EPS8: variants seen among roughly 807,000 people sequenced by gnomAD.
EPS8 encodes EGFR pathway substrate 8, signaling adaptor.
EPS8 carries 42 observed loss-of-function variants against 103.8 expected under a neutral mutation model. That is an observed-to-expected ratio of 0.40 (90% CI 0.32 to 0.52). The LOEUF is 0.52. Among genes scored for constraint, EPS8 ranks in the 20% least tolerant of loss-of-function variants. EPS8 has a pLI of 0.40. For synonymous variants in EPS8, 344 were observed against 344.6 expected, an observed-to-expected ratio of 1.00 and a Z score of 0.02; for missense variants, 969 against 1,005.1, an observed-to-expected ratio of 0.96 and a Z score of 0.49.
rs1947136201 is a variant in EPS8, at chr12:15,769,968, G to A, written c.-22+19193C>T. ...TTTTTTTTTTCTTTTTTGAGACTAG[G>A]GTCTCGCTCTTTCACCCATGCTGCA... On this transcript the variant is annotated intron_variant, in intron 1 of 20. Coordinates refer to ENST00000281172, the MANE Select transcript of EPS8 (RefSeq NM_004447.6). This position sits in a 1 kb window ranked among gnomAD's most constrained non-coding sequence, Gnocchi z 4.6. 6.7e-6 allele frequency among the ~76,000 whole-genome samples: 1 copy of A among 150,100 alleles called. No homozygotes were observed. The highest frequency in any genetic ancestry group is 1.5e-5 in the Non-Finnish European group (1 of 67,638).
intron 13 of EPS8, among the ~76,000 whole-genome samples, 192 bp from the exon 14 acceptor site, chr12:15,651,198 C>A (rs981109407): frequency 6.6e-6 from 1 of 152,206 alleles, no homozygotes; most frequent in Non-Finnish European, 1.5e-5. Context: ...CAGTATTTCA[C>A]ACCTTAATAA....
intron 17 of EPS8, among the ~76,000 whole-genome samples, chr12:15,639,332 T>C (rs186805621): frequency 3.2e-4 from 48 of 152,088 alleles, no homozygotes; most frequent in African/African-American, 1.1e-3. Context: ...TAAACAGATA[T>C]TAAACTCAGA....
intron 6 of EPS8, among the ~76,000 whole-genome samples, chr12:15,667,065 A>C (rs1945726131): frequency 6.6e-6 from 1 of 152,194 alleles, no homozygotes; most frequent in African/African-American, 2.4e-5. Flanking sequence ...CTTTTCCACT[A>C]CTTTTCCAGA....
At chr12:15,715,445 T>C (rs1437102113) in intron 1 of EPS8, among the ~76,000 whole-genome samples, 1 of 136,918 alleles carries the variant, frequency 7.3e-6, no homozygotes, top group African/African-American at 2.7e-5. Flanking sequence ...CAGGCTGGAG[T>C]GTGCAGTGGC....
chr12:15,650,765 A>T, intron 14 of EPS8, 58 bp downstream of exon 14: 1 of 1,370,252 alleles, frequency 7.3e-7, no homozygotes, highest in Non-Finnish European at 1.0e-6. Context: ...TCAGAATTAC[A>T]AGAGAATACA....
intron 16 of EPS8, 55 bp downstream of exon 16, chr12:15,641,667 A>G: frequency 1.3e-6 from 1 of 795,074 alleles, no homozygotes; most frequent in Admixed American, 2.5e-5. Context: ...ATACCAAAAG[A>G]GTAATACAAT....
At chr12:15,681,848 C>T (rs944545173) in intron 2 of EPS8, among the ~76,000 whole-genome samples, 3 of 151,100 alleles carry the variant, frequency 2.0e-5, no homozygotes, top group African/African-American at 7.3e-5. Flanking sequence ...ATAAATAGTG[C>T]TTTATTTGAA....
intron 18 of EPS8, among the ~76,000 whole-genome samples, chr12:15,627,419 T>G (rs1944968476): frequency 6.6e-6 from 1 of 152,184 alleles, no homozygotes; most frequent in South Asian, 2.1e-4. Flanking sequence ...GTGCTTTAAT[T>G]CAATAAATAC....
intron 3 of EPS8, among the ~76,000 whole-genome samples, chr12:15,679,755 A>T (rs963720043): frequency 2.0e-5 from 3 of 152,238 alleles, no homozygotes; most frequent in Non-Finnish European, 4.4e-5. Context: ...AAAATGGCAC[A>T]TAGGCAACAG....
In EPS8 at chr12:15,663,976, T is replaced by TATATATAC. The variant is rs35142421; in HGVS notation, c.736+1779_736+1780insGTATATAT. Reference sequence around the variant, plus strand: ...ATATATATATATATATATATATATATACACACACACATATATATATGGTTC... The same window carrying TATATATAC: ...ATATATATATATATATATATATATATATATATACACACACACACATATATATATGGTTC... On this transcript the variant is annotated intron_variant, in intron 8 of 20. Coordinates refer to ENST00000281172, the MANE Select transcript of EPS8 (RefSeq NM_004447.6). Among the ~76,000 whole-genome samples, 50 of 104,446 alleles carry TATATATAC rather than the reference T, an allele frequency of 4.8e-4. No homozygotes were observed. The East Asian group carries it at 0.013, about 28-fold the overall frequency. The allele number at this position is 104,446 out of a possible 152,430, so 68.5% of individuals were successfully genotyped here. A position where few individuals can be genotyped will look rare whatever the true frequency, so the allele number is the denominator to read the frequency against.
chr12:15,652,097 A>G (rs1344840412), intron 13 of EPS8, among the ~76,000 whole-genome samples: 1 of 152,200 alleles, frequency 6.6e-6, no homozygotes, highest in Non-Finnish European at 1.5e-5. Flanking sequence ...TATAAATCTA[A>G]TAGATTTAAG....
rs559649257 is a variant in EPS8, at chr12:15,746,764, T to C, written c.-22+42397A>G. Among the ~76,000 whole-genome samples the C allele has an allele frequency of 1.4e-3, 208 of 152,200 alleles. 2 individuals carry two copies. In the Middle Eastern group the frequency reaches 0.017, roughly 12 times the overall value. On this transcript the variant is annotated intron_variant, in intron 1 of 20. Transcript: ENST00000281172. Reference sequence around the variant, plus strand: ...AGAAGAGCTCTGGAATCCCTTCTATTGAAAAACAACAAATCTCTTATCCTG... The same window carrying C: ...AGAAGAGCTCTGGAATCCCTTCTATCGAAAAACAACAAATCTCTTATCCTG...
chr12:15,726,202 C>CT (rs1025134348), intron 1 of EPS8, among the ~76,000 whole-genome samples: 10 of 151,538 alleles, frequency 6.6e-5, no homozygotes, highest in South Asian at 2.1e-4. Flanking sequence ...GATTGGGTGC[C>CT]TTTTTTTTCA....
Position 15,650,885 on chromosome 12 carries a change from C to T in EPS8, c.1372G>A (p.Glu458Lys), listed in dbSNP as rs1306647757. The change falls in exon 14 of 21, where the codon GAA becomes AAA. Residue 458 changes from glutamate to lysine, a missense_variant. Glu to Lys is a moderately conservative substitution (Grantham distance 56). Transcript: ENST00000281172. ...TGTTCTGCTACATTTGCCACAGATT[C>T]TGCCAGTTGATAAAGATCTTGTTCC... is the stretch of plus-strand genomic sequence containing the variant. ...TMEQDLYQLA[E>K]SVANVAEHQR... is the part of the protein sequence containing the mutation. The T allele has an allele frequency of 3.1e-6, 5 of 1,614,068 alleles. No individual in the cohort carries two copies. Among genetic ancestry groups the T allele is most frequent in the Non-Finnish European group, 3.4e-6 (4 of 1,179,970 alleles).
rs114416715 is a variant in EPS8 at position 15,646,869 on chromosome 12, C to A, written c.1568+258G>T. ...GACAATTCTTTCTTCTTAATGTACA[C>A]ATTTTGTCCGAAGTATCTTTTAAAA... is the stretch of plus-strand genomic sequence containing the variant. On this transcript the variant is annotated intron_variant, in intron 15 of 20. Coordinates refer to ENST00000281172, the MANE Select transcript of EPS8 (RefSeq NM_004447.6). 2.0e-5 allele frequency among the ~76,000 whole-genome samples: 3 copies of A among 152,204 alleles called. No homozygotes were observed. In the East Asian group the frequency reaches 5.8e-4, roughly 29 times the overall value.
Position 15,785,198 on chromosome 12 carries a change from G to A in EPS8, c.-22+3963C>T, listed in dbSNP as rs150216496. Among the ~76,000 whole-genome samples, 7 of 152,218 alleles carry A rather than the reference G, an allele frequency of 4.6e-5. No homozygotes were observed. Among genetic ancestry groups the A allele is most frequent in the African/African-American group, 1.4e-4 (6 of 41,574 alleles). On this transcript the variant is annotated intron_variant, in intron 1 of 20. Transcript: ENST00000281172. This position sits in a 1 kb window ranked among gnomAD's most constrained non-coding sequence, Gnocchi z 4.9. ...AAATCTAACTGTATTATAAATGTGT[G>A]CTACAATCTCACTGAAAAGGATAGG...
rs930439917 is a variant in EPS8, at chr12:15,697,732, C to T, written c.-21-14760G>A. On this transcript the variant is annotated intron_variant, in intron 1 of 20. Transcript: ENST00000281172. The surrounding 1 kb of genome is among the most constrained non-coding windows in gnomAD (Gnocchi z 5.6). ...CCAAAAATTACAGATGATAGTCCTA[C>T]ATCTGTATAAAAAAGAACTGATAAT... Among the ~76,000 whole-genome samples, 3 of 152,010 alleles carry T rather than the reference C, an allele frequency of 2.0e-5. No homozygotes were observed. The highest frequency in any genetic ancestry group is 7.3e-5 in the African/African-American group (3 of 41,374).
In EPS8 at chr12:15,666,442, C is replaced by G. The variant is rs991794569; in HGVS notation, c.597G>C (p.Leu199=). ...TTGATTTCTTTCAATGCTTTTACCT[C>G]AGGGCGTCGGGCCGCCTCTTCTGTT... ...GGKQKRRPDA[L]RMISNADPSI... Residue 199 remains leucine (L), a splice_region_variant and synonymous_variant, in exon 7 of 21, where the codon CTG becomes CTC. Transcript: ENST00000281172. The G allele has an allele frequency of 9.9e-6, 16 of 1,611,656 alleles. No individual in the cohort carries two copies. The highest frequency in any genetic ancestry group is 1.4e-5 in the Non-Finnish European group (16 of 1,178,010).
In EPS8 at chr12:15,778,142, A is replaced by G. The variant is rs1947225640; in HGVS notation, c.-22+11019T>C. ...TTTCTTACATATTATTGTTCAGGCT[A>G]GGCCACCATGGATTATTCATTTTAA... is the stretch of plus-strand genomic sequence containing the variant. On this transcript the variant is annotated intron_variant, in intron 1 of 20. Coordinates refer to ENST00000281172, the MANE Select transcript of EPS8 (RefSeq NM_004447.6). The surrounding 1 kb of genome is among the most constrained non-coding windows in gnomAD (Gnocchi z 4.5). Among the ~76,000 whole-genome samples, 2 of 152,224 alleles carry G rather than the reference A, an allele frequency of 1.3e-5. No individual in the cohort carries two copies. The highest frequency in any genetic ancestry group is 4.1e-4 in the South Asian group (2 of 4,834).
Sources: gnomAD v4.1 joint callset for allele counts (sites outside exome capture counted in the v4.1 genomes callset) on GRCh38, gnomAD v4.1.1 for gene constraint, Gnocchi (gnomAD v3.1) non-coding constraint, MANE v1.5 for transcripts, NCBI Gene and HGNC (gene_info 2026-07-23, HGNC 2026-07-21) for gene names.